RGS5: variants seen among roughly 807,000 people sequenced by gnomAD.
RGS5 encodes regulator of G protein signaling 5, also known as regulator of G-protein signalling 5.
RGS5 carries 20 observed loss-of-function variants against 18.9 expected under a neutral mutation model. The ratio of observed to expected loss-of-function variants is 1.06; its 90% CI spans 0.74 to 1.54. The LOEUF is 1.54. Ranked by LOEUF, RGS5 falls within the 40% of genes most tolerant of loss-of-function variation. RGS5 has a pLI of 0.00. For synonymous variants in RGS5, 57 were observed against 76.2 expected (o/e 0.75, Z 1.31); for missense variants, 201 against 211.8 (o/e 0.95, Z 0.32).
chr1:163,170,834 C>T (rs757507331), intron 1 of RGS5, among the ~76,000 whole-genome samples: 37 of 152,174 alleles, frequency 2.4e-4, no homozygotes, highest in Middle Eastern at 3.4e-3. Context: ...ACTGTTCTGC[C>T]GAGGGAGCTT....
chr1:163,162,555 A>G (rs1032876749), intron 2 of RGS5, among the ~76,000 whole-genome samples: 8 of 152,236 alleles, frequency 5.3e-5, no homozygotes, highest in South Asian at 2.1e-4. Context: ...CTACCCACTT[A>G]TAACAGGATC....
chr1:163,312,457 G>A (rs1649893990), intron 1 of RGS5, among the ~76,000 whole-genome samples: 1 of 152,148 alleles, frequency 6.6e-6, no homozygotes, highest in South Asian at 2.1e-4. Context: ...CTAAAGGACT[G>A]GTGAAAGAAG....
intron 1 of RGS5, among the ~76,000 whole-genome samples, chr1:163,208,633 CA>C (rs777718953): frequency 1.3e-4 from 19 of 143,242 alleles, no homozygotes; most frequent in Admixed American, 7.2e-4. Context: ...AAGAAATGGA[CA>C]AGGGTATAAT....
chr1:163,162,369 C>T (rs1005039986), intron 2 of RGS5, among the ~76,000 whole-genome samples: 2 of 152,152 alleles, frequency 1.3e-5, no homozygotes, highest in African/African-American at 4.8e-5. Context: ...TTCTCTGCCT[C>T]ACCAATACTG....
chr1:163,237,934 T>C (rs1647673235), intron 2 of RGS5: 1 of 154,240 alleles, frequency 6.5e-6, no homozygotes, highest in African/African-American at 2.4e-5. Flanking sequence ...ACGGATGATA[T>C]GCTGAAGTCG....
chr1:163,190,655 C>T (rs1046975835), intron 1 of RGS5, among the ~76,000 whole-genome samples: 6 of 152,160 alleles, frequency 3.9e-5, no homozygotes, highest in Admixed American at 6.5e-5. Flanking sequence ...AGTAGTTCCA[C>T]GGTGTATGGA....
intron 2 of RGS5, among the ~76,000 whole-genome samples, chr1:163,284,368 A>G (rs1571340087): frequency 6.6e-6 from 1 of 152,136 alleles, no homozygotes; most frequent in Middle Eastern, 3.4e-3. Context: ...AGAGTCACCT[A>G]CTCTAAGTCT....
At chr1:163,237,564 A>T (rs1023460025) in intron 2 of RGS5, 1 of 152,492 alleles carries the variant, frequency 6.6e-6, no homozygotes, top group Non-Finnish European at 1.5e-5. Context: ...GTGCACCTGT[A>T]GTCCCAGCTA....
At chr1:163,205,685 G>A (rs1659938992), upstream of RGS5, among the ~76,000 whole-genome samples, 1 of 152,114 alleles carries the variant, frequency 6.6e-6, no homozygotes. Context: ...CAAAGCACTA[G>A]ATATTACAGT....
At chr1:163,295,208 C>T (rs1351788595) in intron 2 of RGS5, among the ~76,000 whole-genome samples, 7 of 152,084 alleles carry the variant, frequency 4.6e-5, no homozygotes, top group African/African-American at 1.7e-4. Flanking sequence ...CCCAGTCTAC[C>T]AGTACCAATT....
intron 1 of RGS5, among the ~76,000 whole-genome samples, chr1:163,214,879 T>TTC (rs1425728724): frequency 1.3e-5 from 2 of 152,206 alleles, no homozygotes; most frequent in Non-Finnish European, 2.9e-5. Context: ...CCAAGATTCT[T>TTC]CATTACTTTG....
intron 2 of RGS5, among the ~76,000 whole-genome samples, chr1:163,285,779 C>T (rs913941044): frequency 6.6e-6 from 1 of 151,648 alleles, no homozygotes; most frequent in Admixed American, 6.6e-5. Context: ...TTCCCCTTCT[C>T]TCTCTCTCTC....
intron 1 of RGS5, chr1:163,318,735 C>G (rs1650095979): frequency 6.6e-6 from 1 of 151,726 alleles, no homozygotes; most frequent in Admixed American, 6.6e-5. Context: ...AAATGCAAAA[C>G]GAGTTTCAAG....
chr1:163,169,996 G>T (rs1414377786), intron 1 of RGS5, among the ~76,000 whole-genome samples: 1 of 151,990 alleles, frequency 6.6e-6, no homozygotes, highest in Non-Finnish European at 1.5e-5. Flanking sequence ...CTCCATCACG[G>T]GATGCAACTA....
intron 2 of RGS5, among the ~76,000 whole-genome samples, chr1:163,240,262 A>G (rs1316197530): frequency 2.0e-5 from 3 of 152,188 alleles, no homozygotes; most frequent in Admixed American, 1.3e-4. Context: ...ATACATTGGA[A>G]TATTAACTAA....
rs576703263 is a variant in RGS5 at position 163,213,881 on chromosome 1, C to T, written c.69+3645G>A. On this transcript the variant is annotated intron_variant, in intron 1 of 5. Coordinates refer to the RGS5 transcript ENST00000367903. ...TCCACCAATGATTCACCCAGAATTTCGTCATTACCAGAAACTTCTCCACCT... is the reference window on the plus strand; with the variant it reads ...TCCACCAATGATTCACCCAGAATTTTGTCATTACCAGAAACTTCTCCACCT... Among the ~76,000 whole-genome samples the T allele has an allele frequency of 2.0e-4, 30 of 152,220 alleles. No individual in the cohort carries two copies. In the South Asian group the frequency reaches 5.0e-3, roughly 25 times the overall value.
intron 2 of RGS5, chr1:163,304,541 T>G (rs551677771): frequency 2.6e-5 from 4 of 152,248 alleles, no homozygotes; most frequent in Admixed American, 6.5e-5. Flanking sequence ...GGAGGCTAAC[T>G]GCTTCCTCCT....
At chr1:163,163,109 C>T (rs1424013199) in intron 2 of RGS5, among the ~76,000 whole-genome samples, 1 of 151,648 alleles carries the variant, frequency 6.6e-6, no homozygotes, top group African/African-American at 2.4e-5. Context: ...TTCTACTTTT[C>T]ATTTTGCTGT....
chr1:163,185,266 A>G (rs1473895530), intron 1 of RGS5, among the ~76,000 whole-genome samples: 1 of 152,074 alleles, frequency 6.6e-6, no homozygotes. Context: ...TATGTTACCT[A>G]TGAATTATTC....
Sources: gnomAD v4.1 joint callset for allele counts (sites outside exome capture counted in the v4.1 genomes callset) on GRCh38, gnomAD v4.1.1 for gene constraint, MANE v1.5 for transcripts, NCBI Gene and HGNC (gene_info 2026-07-23, HGNC 2026-07-21) for gene names.